CEACAM7: variants seen among roughly 807,000 people sequenced by gnomAD.
CEACAM7 encodes the protein cell adhesion molecule CEACAM7.
In CEACAM7, 24 loss-of-function variants were observed where a neutral mutation model predicts 25.7. The observed-to-expected ratio is 0.93, with a 90% CI of 0.68 to 1.31. CEACAM7 has a LOEUF of 1.31. Among genes scored for constraint, CEACAM7 ranks in the 40% most tolerant of loss-of-function variants. The pLI is 0.00. For synonymous variants in CEACAM7, 144 were observed against 129.4 expected (o/e 1.11, Z -0.77); for missense variants, 324 against 330.1 (o/e 0.98, Z 0.14).
intron 3 of CEACAM7, among the ~76,000 whole-genome samples, chr19:41,681,639 A>T (rs2072176763): frequency 6.6e-6 from 1 of 152,220 alleles, no homozygotes; most frequent in African/African-American, 2.4e-5. Context: ...GCATTTACAC[A>T]CTCATGAGAC....
chr19:41,683,383 C>T (rs115212965), intron 3 of CEACAM7, among the ~76,000 whole-genome samples: 2,587 of 152,216 alleles, frequency 0.017, 44 homozygotes, highest in African/African-American at 0.055. Context: ...AAGGGGTGTC[C>T]AAGCCACCCG....
intron 3 of CEACAM7, among the ~76,000 whole-genome samples, chr19:41,678,987 A>G (rs1555810404): frequency 6.6e-6 from 1 of 152,240 alleles, no homozygotes; most frequent in African/African-American, 2.4e-5. Context: ...GGAGAAAAAC[A>G]AATGAAACCC....
chr19:41,679,968 A>ATTTTTTTTTT (rs35163344), intron 3 of CEACAM7, among the ~76,000 whole-genome samples: 1 of 68,880 alleles, frequency 1.5e-5, no homozygotes, highest in African/African-American at 6.0e-5. Flanking sequence ...CACCTGGCTA[A>ATTTTTTTTTT]TTTTTTTTTT....
intron 2 of CEACAM7, among the ~76,000 whole-genome samples, chr19:41,684,447 C>T (rs2072207567): frequency 6.6e-6 from 1 of 152,228 alleles, no homozygotes; most frequent in Admixed American, 6.5e-5. Context: ...ACTCCTACAC[C>T]ACCCAGCCAA....
chr19:41,687,368 T>A (rs10407280), intron 1 of CEACAM7, 147 bp from the exon 2 acceptor site: 382,132 of 756,900 alleles, frequency 0.5, 101,188 homozygotes, highest in Middle Eastern at 0.6. Context: ...TGGATCAATG[T>A]CAGCAGCATG....
At chr19:41,683,510 C>T (rs946727818) in intron 3 of CEACAM7, among the ~76,000 whole-genome samples, 9 of 152,228 alleles carry the variant, frequency 5.9e-5, no homozygotes, top group African/African-American at 2.2e-4. Flanking sequence ...CCCAACCAAA[C>T]CCCGATGTGT....
At chr19:41,684,433 G>T (rs986598288) in intron 2 of CEACAM7, among the ~76,000 whole-genome samples, 6 of 152,164 alleles carry the variant, frequency 3.9e-5, no homozygotes, top group Non-Finnish European at 8.8e-5. Flanking sequence ...CCTTCCAGCT[G>T]AACACTCCTA....
chr19:41,680,068 C>A (rs2072159312), intron 3 of CEACAM7, among the ~76,000 whole-genome samples: 1 of 149,156 alleles, frequency 6.7e-6, no homozygotes, highest in Non-Finnish European at 1.5e-5. Flanking sequence ...GATCTGACCA[C>A]CTCAGCCTCC....
intron 4 of CEACAM7, among the ~76,000 whole-genome samples, chr19:41,677,127 A>C (rs557975290): frequency 6.6e-6 from 1 of 152,350 alleles, no homozygotes; most frequent in South Asian, 2.1e-4. Context: ...AGAAGCTTTC[A>C]CAATGTATTG....
At chr19:41,680,935 T>C (rs782280012) in intron 3 of CEACAM7, among the ~76,000 whole-genome samples, 9 of 150,960 alleles carry the variant, frequency 6.0e-5, no homozygotes, top group Non-Finnish European at 1.0e-4. Context: ...TCATAAAAAA[T>C]AAGATCTTCT....
intron 4 of CEACAM7, among the ~76,000 whole-genome samples, 171 bp downstream of exon 4, chr19:41,677,205 A>G (rs1289086186): frequency 1.3e-5 from 2 of 152,238 alleles, no homozygotes; most frequent in Non-Finnish European, 2.9e-5. Flanking sequence ...TACAGGAAGC[A>G]TGAAGACCAG....
intron 3 of CEACAM7, among the ~76,000 whole-genome samples, chr19:41,679,110 C>G (rs368385975): frequency 6.6e-6 from 1 of 151,920 alleles, no homozygotes; most frequent in East Asian, 1.9e-4. Flanking sequence ...AATTCAAAAC[C>G]TTTAATTAGA....
At chr19:41,680,830 TA>T (rs2072167283) in intron 3 of CEACAM7, among the ~76,000 whole-genome samples, 1 of 151,592 alleles carries the variant, frequency 6.6e-6, no homozygotes, top group African/African-American at 2.4e-5. Context: ...GAAGAAAACA[TA>T]GGGGGAGAGC....
At position 41,674,656 on chromosome 19, in the gene CEACAM7, G is replaced by A; in HGVS notation, c.*120C>T. On this transcript the variant is annotated 3_prime_UTR_variant, in exon 5 of 5. Transcript: ENST00000401731. ...TGAGTTGTCCACCTCCAGCTTATAG[G>A]TCTTCAGGAAGAGAGCAGGTCTTAT... 2.9e-6 allele frequency: 1 copy of A among 342,300 alleles called. No homozygotes were observed. Among genetic ancestry groups the A allele is most frequent in the Non-Finnish European group, 5.9e-6 (1 of 170,820 alleles). The allele number at this position is 342,300 out of a possible 1,614,324, so 21.2% of individuals were successfully genotyped here. A position where few individuals can be genotyped will look rare whatever the true frequency, so the allele number is the denominator to read the frequency against.
chr19:41,686,526 A>AG (rs2072226470), intron 2 of CEACAM7, among the ~76,000 whole-genome samples: 1 of 152,146 alleles, frequency 6.6e-6, no homozygotes, highest in Non-Finnish European at 1.5e-5. Context: ...TGAGGATTCC[A>AG]GGGGACTCCT....
chr19:41,687,126 C>T lies in CEACAM7; in HGVS notation c.160G>A (p.Val54Ile), dbSNP rs184034225. ...AGATTCTGGGACTCATTATGGACTA[C>T]TAGAAGGACCTCCTTCCCTTCTGCG... ...NVAEGKEVLL[V>I]VHNESQNLYG... Residue 54 changes from valine to isoleucine, a missense_variant, in exon 2 of 5, where the codon GTA becomes ATA. Coordinates refer to ENST00000401731, the MANE Select transcript of CEACAM7 (RefSeq NM_001291485.2). The T allele has an allele frequency of 6.8e-6, 11 of 1,614,064 alleles. No homozygotes were observed. In the East Asian group the frequency reaches 1.6e-4, roughly 23 times the overall value.
chr19:41,682,483 A>T (rs1385647580), intron 3 of CEACAM7, among the ~76,000 whole-genome samples: 1 of 152,202 alleles, frequency 6.6e-6, no homozygotes, highest in Non-Finnish European at 1.5e-5. Context: ...GCCAGGCCAC[A>T]GTTCAAGAGT....
intron 2 of CEACAM7, among the ~76,000 whole-genome samples, chr19:41,686,336 G>T (rs534500681): frequency 6.6e-6 from 1 of 152,166 alleles, no homozygotes; most frequent in Non-Finnish European, 1.5e-5. Flanking sequence ...CCCTGGGGGT[G>T]ACCAGGCTGG....
At chr19:41,685,915 T>C (rs1272278274) in intron 2 of CEACAM7, among the ~76,000 whole-genome samples, 1 of 152,150 alleles carries the variant, frequency 6.6e-6, no homozygotes, top group Admixed American at 6.5e-5. Context: ...GATGTGACTG[T>C]CCGGTCCGTG....
Sources: gnomAD v4.1 joint callset for allele counts (sites outside exome capture counted in the v4.1 genomes callset) on GRCh38, gnomAD v4.1.1 for gene constraint, MANE v1.5 for transcripts, NCBI Gene and HGNC (gene_info 2026-07-23, HGNC 2026-07-21) for gene names.